ROCK1: variants seen among roughly 807,000 people sequenced by gnomAD.
ROCK1 encodes the protein Rho associated coiled-coil containing protein kinase 1, also known as rho-associated protein kinase 1.
ROCK1 carries 36 observed loss-of-function variants against 196.8 expected under a neutral mutation model. That is an observed-to-expected ratio of 0.18 (90% CI 0.14 to 0.24). The LOEUF (loss-of-function observed/expected upper bound fraction) is 0.24. Ranked by LOEUF, ROCK1 falls within the 10% of genes least tolerant of loss-of-function variation. The probability of loss-of-function intolerance (pLI) is 1.00; values close to 1 mark genes in which losing one functional copy is unlikely to be tolerated. For synonymous variants in ROCK1, 443 were observed against 515.9 expected (o/e 0.86, Z 1.91); for missense variants, 920 against 1,562.0 (o/e 0.59, Z 6.93).
intron 1 of ROCK1, among the ~76,000 whole-genome samples, chr18:21,088,963 G>C (rs2036548698): frequency 6.6e-6 from 1 of 151,954 alleles, no homozygotes; most frequent in Admixed American, 6.6e-5. Context: ...CCCAGTCTTG[G>C]TTCTGTTATA....
intron 10 of ROCK1, among the ~76,000 whole-genome samples, chr18:21,024,112 G>A (rs1464913864): frequency 6.6e-6 from 1 of 152,114 alleles, no homozygotes; most frequent in Non-Finnish European, 1.5e-5. Context: ...GCTGACTTCT[G>A]CAGACATATG....
rs201942091 is a variant in ROCK1 at position 20,987,028 on chromosome 18, G to A, written c.2226C>T (p.Ser742=). 68 of 1,612,220 alleles carry A rather than the reference G, an allele frequency of 4.2e-5. No homozygotes were observed. The highest frequency in any genetic ancestry group is 8.0e-5 in the African/African-American group (6 of 74,948). The change falls in exon 19 of 33, where the codon TCC becomes TCT. Residue 742 remains serine (S), a synonymous_variant. Transcript: ENST00000399799. ...ATTGCTTCAGATCAACGTCTAGCATGGAACACTGTTTCTCAATCTGAACAA... is the reference window on the plus strand; with the variant it reads ...ATTGCTTCAGATCAACGTCTAGCATAGAACACTGTTTCTCAATCTGAACAA... ...NRVVQIEKQC[S]MLDVDLKQSQ...
chr18:21,043,000 T>G (rs1433897661), intron 6 of ROCK1, among the ~76,000 whole-genome samples: 1 of 152,142 alleles, frequency 6.6e-6, no homozygotes, highest in African/African-American at 2.4e-5. Context: ...CAGTGATTAT[T>G]TTGTAATAAT....
At chr18:21,083,621 A>G (rs2036500544) in intron 1 of ROCK1, among the ~76,000 whole-genome samples, 1 of 152,326 alleles carries the variant, frequency 6.6e-6, no homozygotes, top group East Asian at 1.9e-4. Flanking sequence ...GTGAATATGA[A>G]GACCTTTATG....
chr18:21,080,466 CCAAA>C (rs2036473488), intron 1 of ROCK1, among the ~76,000 whole-genome samples: 1 of 151,894 alleles, frequency 6.6e-6, no homozygotes, highest in Admixed American at 6.6e-5. Flanking sequence ...TATTAAGAAA[CCAAA>C]CAAATTCTGG....
intron 6 of ROCK1, 101 bp downstream of exon 6, chr18:21,044,001 A>C: frequency 1.5e-6 from 1 of 687,370 alleles, no homozygotes; most frequent in Non-Finnish European, 2.5e-6. Context: ...AGCTATGGTT[A>C]GTAAATTCTT....
At chr18:20,979,866 C>T in intron 22 of ROCK1, 44 bp downstream of exon 22, 2 of 1,496,438 alleles carry the variant, frequency 1.3e-6, no homozygotes, top group Non-Finnish European at 8.9e-7. Context: ...CTTAAGAATG[C>T]CTGTTGCAGT....
intron 1 of ROCK1, among the ~76,000 whole-genome samples, chr18:21,091,458 C>T (rs2036569469): frequency 6.6e-6 from 1 of 151,974 alleles, no homozygotes; most frequent in African/African-American, 2.4e-5. Context: ...CAAAAATGAG[C>T]TAGGTGTGGT....
At chr18:21,078,450 GA>G (rs955020114) in intron 1 of ROCK1, among the ~76,000 whole-genome samples, 6 of 149,876 alleles carry the variant, frequency 4.0e-5, no homozygotes, top group African/African-American at 1.2e-4. Flanking sequence ...AGATAGAGAG[GA>G]AAAAAAAGGG....
rs544441156 is a variant in ROCK1 at position 20,993,363 on chromosome 18, C to T, written c.1886-426G>A. 1.2e-4 allele frequency among the ~76,000 whole-genome samples: 18 copies of T among 152,158 alleles called. No homozygotes were observed. In the East Asian group the frequency reaches 2.1e-3, roughly 18 times the overall value. ...GACTACAGGCGCCTGCCACCAGGCCCGGCTAATTTTTGTATATTTAGTAGA... is the reference window on the plus strand; with the variant it reads ...GACTACAGGCGCCTGCCACCAGGCCTGGCTAATTTTTGTATATTTAGTAGA... On this transcript the variant is annotated intron_variant, in intron 16 of 32. Coordinates refer to ENST00000399799, the MANE Select transcript of ROCK1 (RefSeq NM_005406.3).
At chr18:21,004,170 A>G (rs1468038799) in intron 16 of ROCK1, among the ~76,000 whole-genome samples, 1 of 152,186 alleles carries the variant, frequency 6.6e-6, no homozygotes, top group Non-Finnish European at 1.5e-5. Context: ...CTGTTTCTGT[A>G]CAGATGTCAA....
intron 2 of ROCK1, among the ~76,000 whole-genome samples, chr18:21,060,774 G>A (rs1294023324): frequency 1.3e-5 from 2 of 149,916 alleles, no homozygotes; most frequent in Non-Finnish European, 2.9e-5. Context: ...GGGAGGTGGA[G>A]GTTGCCATGA....
rs1257786357 is a variant in ROCK1 at position 21,111,636 on chromosome 18, A to AG, written c.-727dup. ...AAGGCTGGAGAGCGGGCGAAGAGGAAGACGATAGTTGGGTCCCGGCGGCTG... is the reference window on the plus strand; with the variant it reads ...AAGGCTGGAGAGCGGGCGAAGAGGAAGGACGATAGTTGGGTCCCGGCGGCTG... On this transcript the variant is annotated 5_prime_UTR_variant, in exon 1 of 33. Transcript: ENST00000399799. This position sits in a 1 kb window ranked among gnomAD's most constrained non-coding sequence, Gnocchi z 4.2. The AG allele has an allele frequency of 1.3e-5, 2 of 153,656 alleles. No individual in the cohort carries two copies. Among genetic ancestry groups the AG allele is most frequent in the Non-Finnish European group, 2.9e-5 (2 of 69,114 alleles). The allele number at this position is 153,656 out of a possible 1,614,324, so 9.5% of individuals were successfully genotyped here.
intron 22 of ROCK1, among the ~76,000 whole-genome samples, chr18:20,975,435 T>C (rs2035471247): frequency 6.6e-6 from 1 of 152,194 alleles, no homozygotes; most frequent in South Asian, 2.1e-4. Context: ...ACTCTGTCTC[T>C]TGTTTTACCC....
At chr18:20,982,958 T>C (rs1253434364) in intron 20 of ROCK1, 126 bp from the exon 21 acceptor site, 5 of 538,098 alleles carry the variant, frequency 9.3e-6, no homozygotes, top group Non-Finnish European at 1.7e-5. Context: ...TTTAAAAACA[T>C]ACTTCATTAT....
intron 6 of ROCK1, 56 bp from the exon 7 acceptor site, chr18:21,042,765 A>C (rs1035272707): frequency 6.6e-7 from 1 of 1,515,548 alleles, no homozygotes; most frequent in African/African-American, 1.4e-5. Flanking sequence ...CAATTATTTA[A>C]AATGACTTTC....
At chr18:21,060,354 T>C (rs1320144289) in intron 2 of ROCK1, among the ~76,000 whole-genome samples, 5 of 152,140 alleles carry the variant, frequency 3.3e-5, no homozygotes, top group Admixed American at 6.6e-5. Context: ...CAAATGAAAA[T>C]TGACAGTAGC....
chr18:21,045,661 A>C (rs549917081), intron 4 of ROCK1, among the ~76,000 whole-genome samples, 194 bp from the exon 5 acceptor site: 6 of 152,316 alleles, frequency 3.9e-5, no homozygotes, highest in East Asian at 3.9e-4. Flanking sequence ...ACTATAACAT[A>C]ATTATTCAGA....
At chr18:20,959,050 AT>A (rs1568367276) in intron 29 of ROCK1, among the ~76,000 whole-genome samples, 22 of 58,840 alleles carry the variant, frequency 3.7e-4, no homozygotes, top group African/African-American at 2.4e-3. Context: ...AATATATAAT[AT>A]ATATATTATA....
Sources: allele counts gnomAD v4.1 joint callset (sites outside exome capture counted in the v4.1 genomes callset), GRCh38; gene constraint gnomAD v4.1.1; non-coding constraint Gnocchi (gnomAD v3.1); transcripts MANE v1.5; gene names NCBI Gene and HGNC (gene_info 2026-07-23, HGNC 2026-07-21).